Variants in TLN2 observed in about 807,000 individuals in gnomAD.
TLN2 encodes talin 2.
A neutral mutation model predicts 294.7 loss-of-function variants in TLN2; 118 were observed. That is an observed-to-expected ratio of 0.40 (90% CI 0.34 to 0.47). TLN2 has a LOEUF of 0.47. TLN2 is among the 20% of genes least tolerant of loss of function. The pLI, the probability that TLN2 is intolerant of heterozygous loss-of-function variation, is 0.84. For missense variants in TLN2, 3,083 were observed against 3,282.2 expected (o/e 0.94, Z 1.48); for synonymous variants, 1,431 against 1,304.5 (o/e 1.10, Z -2.09).
intron 15 of TLN2, 68 bp downstream of exon 15, chr15:62,697,936 C>A: frequency 6.5e-7 from 1 of 1,547,680 alleles, no homozygotes; most frequent in Admixed American, 1.9e-5. Flanking sequence ...TGGACACCAG[C>A]GGCGGTGATG....
intron 46 of TLN2, among the ~76,000 whole-genome samples, chr15:62,795,002 C>T (rs962958970): frequency 1.3e-5 from 2 of 152,142 alleles, no homozygotes; most frequent in Admixed American, 6.5e-5. Context: ...CTGACACATG[C>T]GATTTACATT....
chr15:62,562,906 T>TCACA (rs61578830), intron 1 of TLN2, among the ~76,000 whole-genome samples: 3,390 of 99,190 alleles, frequency 0.034, 81 homozygotes, highest in Middle Eastern at 0.041. Flanking sequence ...TAGTATTCCA[T>TCACA]CACACACACA....
chr15:62,433,545 T>C (rs1344205724), intron 1 of TLN2, among the ~76,000 whole-genome samples: 1 of 152,134 alleles, frequency 6.6e-6, no homozygotes, highest in Non-Finnish European at 1.5e-5. Flanking sequence ...CTATGGACTG[T>C]GATTGTGTTA....
chr15:62,453,257 T>A (rs2036260242), intron 1 of TLN2, among the ~76,000 whole-genome samples: 1 of 86,526 alleles, frequency 1.2e-5, no homozygotes, highest in Non-Finnish European at 2.4e-5. Context: ...ATTGTCAACC[T>A]ATTTTTTTTT....
chr15:62,625,738 ACT>A (rs1338113436), intron 3 of TLN2, among the ~76,000 whole-genome samples: 1 of 151,700 alleles, frequency 6.6e-6, no homozygotes, highest in Non-Finnish European at 1.5e-5. Context: ...AGAGAATAAG[ACT>A]CTCTCAAATC....
At chr15:62,561,028 G>C (rs1214652663) in intron 1 of TLN2, among the ~76,000 whole-genome samples, 2 of 152,362 alleles carry the variant, frequency 1.3e-5, no homozygotes, top group African/African-American at 4.8e-5. Context: ...TACACAGAAG[G>C]AAAGGGAAAA....
chr15:62,701,848 G>A, intron 17 of TLN2, 144 bp from the exon 18 acceptor site: 1 of 909,252 alleles, frequency 1.1e-6, no homozygotes, highest in Non-Finnish European at 1.7e-6. Flanking sequence ...ACAGGGAGCA[G>A]GCCAGCTCAC....
Position 62,618,393 on chromosome 15 carries a change from T to C in TLN2, c.-119T>C, listed in dbSNP as rs2048488440. ...GGACACCTGCACTTGTTACCCTGAG[T>C]TGATTCCTGAAACTTCGGACCCCTG... On this transcript the variant is annotated 5_prime_UTR_variant, in exon 3 of 59. Coordinates refer to ENST00000636159, the MANE Select transcript of TLN2 (RefSeq NM_015059.3). The C allele has an allele frequency of 6.6e-6, 1 of 152,204 alleles. No homozygotes were observed. The highest frequency in any genetic ancestry group is 6.5e-5 in the Admixed American group (1 of 15,276). The allele number at this position is 152,204 out of a possible 1,614,324, so 9.4% of individuals were successfully genotyped here.
At chr15:62,553,197 T>C (rs950360321) in intron 1 of TLN2, among the ~76,000 whole-genome samples, 5 of 152,206 alleles carry the variant, frequency 3.3e-5, no homozygotes, top group Non-Finnish European at 7.3e-5. Flanking sequence ...TTTTTCATAT[T>C]ATTTAAGAAT....
intron 45 of TLN2, among the ~76,000 whole-genome samples, chr15:62,787,355 G>A (rs2064749068): frequency 1.3e-5 from 2 of 152,282 alleles, no homozygotes; most frequent in South Asian, 4.1e-4. Context: ...GTTTGAGGCA[G>A]TGAGGAAAGG....
chr15:62,826,955 A>C (rs536303053), intron 54 of TLN2, among the ~76,000 whole-genome samples: 2 of 152,144 alleles, frequency 1.3e-5, no homozygotes, highest in Non-Finnish European at 2.9e-5. Flanking sequence ...TCTGAGTAAC[A>C]CAGAGCAAAG....
chr15:62,747,286 A>G (rs2061669833), intron 32 of TLN2, among the ~76,000 whole-genome samples: 1 of 152,176 alleles, frequency 6.6e-6, no homozygotes, highest in African/African-American at 2.4e-5. Context: ...CTCCACCCCA[A>G]TTCTGTATCT....
intron 35 of TLN2, 125 bp downstream of exon 35, chr15:62,752,552 T>C: frequency 1.4e-6 from 2 of 1,390,614 alleles, no homozygotes; most frequent in Non-Finnish European, 1.9e-6. Flanking sequence ...GGCAGTGGCT[T>C]CTGTGCTGGC....
rs181497887 is a variant in TLN2, at chr15:62,543,682, G to T, written c.-237-46005G>T. ...AGGCAGAAGAGTTGCTTGAACCCAG[G>T]AGGCGGAGGTTGCAGTGAGCCAAGA... is the stretch of plus-strand genomic sequence containing the variant. On this transcript the variant is annotated intron_variant, in intron 1 of 58. Transcript: ENST00000636159. Among the ~76,000 whole-genome samples the T allele has an allele frequency of 3.2e-3, 485 of 151,014 alleles. 2 individuals are homozygous for T. Among genetic ancestry groups the T allele is most frequent in the African/African-American group, 0.011 (469 of 40,954 alleles).
At chr15:62,836,504 C>T (rs770239931) in intron 57 of TLN2, among the ~76,000 whole-genome samples, 3 of 152,234 alleles carry the variant, frequency 2.0e-5, no homozygotes, top group Non-Finnish European at 4.4e-5. Context: ...GGCACCACAT[C>T]TTCATCTGTG....
chr15:62,510,165 G>A (rs1459816256), intron 1 of TLN2, among the ~76,000 whole-genome samples: 1 of 152,164 alleles, frequency 6.6e-6, no homozygotes, highest in Non-Finnish European at 1.5e-5. Flanking sequence ...ACCCCAAATG[G>A]CTCGTGTTCA....
rs114133181 is a variant in TLN2 at position 62,841,595 on chromosome 15, T to A, written c.*985T>A. ...TGTCCTCCAACCCAAAACGCCTTTT[T>A]TTCTGTCTTAATATCCAGAAAATCT... On this transcript the variant is annotated 3_prime_UTR_variant, in exon 59 of 59. Coordinates refer to ENST00000636159, the MANE Select transcript of TLN2 (RefSeq NM_015059.3). 14 of 152,196 alleles carry A rather than the reference T, an allele frequency of 9.2e-5. No homozygotes were observed. Among genetic ancestry groups the A allele is most frequent in the Admixed American group, 9.2e-4 (14 of 15,260 alleles). 9.4% of individuals were successfully genotyped at this position (152,196 alleles called of 1,614,324 possible). A position where few individuals can be genotyped will look rare whatever the true frequency, so the allele number is the denominator to read the frequency against.
intron 1 of TLN2, among the ~76,000 whole-genome samples, chr15:62,399,256 C>CAAAAAAA (rs546678440): frequency 0.016 from 915 of 58,308 alleles, 85 homozygotes; most frequent in Middle Eastern, 0.025. Context: ...CCGTCTCAAA[C>CAAAAAAA]AAAAAAAAAA....
At chr15:62,666,531 C>G (rs905359194) in intron 9 of TLN2, among the ~76,000 whole-genome samples, 14 of 152,076 alleles carry the variant, frequency 9.2e-5, no homozygotes, top group African/African-American at 3.1e-4. Flanking sequence ...ATTTTCTGTT[C>G]TTTATAATTG....
Sources: gnomAD v4.1 joint callset for allele counts (sites outside exome capture counted in the v4.1 genomes callset) on GRCh38, gnomAD v4.1.1 for gene constraint, MANE v1.5 for transcripts, NCBI Gene and HGNC (gene_info 2026-07-23, HGNC 2026-07-21) for gene names.